Variants in DNAH6 observed in about 807,000 individuals in gnomAD.
The protein encoded by DNAH6 is axonemal beta dynein heavy chain 6.
In DNAH6, 340 loss-of-function variants were observed where a neutral mutation model predicts 491.4. That is an observed-to-expected ratio of 0.69 (90% CI 0.63 to 0.76). DNAH6 has a LOEUF of 0.76. Among genes scored for constraint, DNAH6 ranks in the 30% least tolerant of loss-of-function variants. The pLI, the probability that DNAH6 is intolerant of heterozygous loss-of-function variation, is 0.00. For missense variants in DNAH6, 4,443 were observed against 4,972.2 expected, an observed-to-expected ratio of 0.89 and a Z score of 3.20; for synonymous variants, 1,603 against 1,686.1, an observed-to-expected ratio of 0.95 and a Z score of 1.21.
At chr2:84,531,727 A>G (rs1677190323) in intron 4 of DNAH6, among the ~76,000 whole-genome samples, 1 of 119,542 alleles carries the variant, frequency 8.4e-6, no homozygotes, top group South Asian at 3.4e-4. Context: ...AAGAGATGGT[A>G]GACGAAGGAG....
chr2:84,662,066 A>T (rs576086284), intron 37 of DNAH6, among the ~76,000 whole-genome samples: 2 of 152,194 alleles, frequency 1.3e-5, no homozygotes, highest in South Asian at 4.1e-4. Context: ...TCTAAAATGG[A>T]CTCTTAAAAT....
intron 33 of DNAH6, among the ~76,000 whole-genome samples, chr2:84,642,797 C>T (rs915492431): frequency 2.0e-5 from 3 of 152,042 alleles, no homozygotes; most frequent in Admixed American, 6.6e-5. Context: ...TGCTGTCATT[C>T]ATTTTACTTA....
intron 21 of DNAH6, among the ~76,000 whole-genome samples, chr2:84,607,696 G>A (rs1379565428): frequency 2.0e-5 from 3 of 152,136 alleles, no homozygotes; most frequent in African/African-American, 7.2e-5. Context: ...CATTAAGTGT[G>A]CAATACTATA....
intron 37 of DNAH6, among the ~76,000 whole-genome samples, chr2:84,663,095 T>C (rs892905093): frequency 3.9e-5 from 6 of 152,034 alleles, no homozygotes; most frequent in Non-Finnish European, 8.8e-5. Context: ...TACGACACCA[T>C]CATCAAAGAC....
In DNAH6 at chr2:84,713,095, C is replaced by T; in HGVS notation, c.9379C>T (p.Leu3127Phe). 1 of 1,549,054 alleles carries T rather than the reference C, an allele frequency of 6.5e-7. No homozygotes were observed. Among genetic ancestry groups the T allele is most frequent in the Non-Finnish European group, 8.7e-7 (1 of 1,146,084 alleles). The change falls in exon 57 of 77, where the codon CTT becomes TTT. Residue 3127 changes from leucine (L) to phenylalanine (F), a missense_variant and splice_region_variant. This residue lies in a region of DNAH6 where 1,463 missense variants were observed against 1,656.6 expected (regional missense o/e 0.88). Coordinates refer to ENST00000389394, the MANE Select transcript of DNAH6 (RefSeq NM_001370.2). ...GTCCTGTTTTGTTTTAATTTCTAAG[C>T]TTAAGGAAACCTTGGATCCAGCTCT... ...RLGLPVLLEE[L>F]KETLDPALEP...
At chr2:84,695,988 A>G (rs1468790437) in intron 46 of DNAH6, among the ~76,000 whole-genome samples, 1 of 152,022 alleles carries the variant, frequency 6.6e-6, no homozygotes. Context: ...ATAAAAATGC[A>G]TGTGTCTATA....
At chr2:84,637,474 C>T in intron 31 of DNAH6, 97 bp downstream of exon 31, 1 of 1,270,920 alleles carries the variant, frequency 7.9e-7, no homozygotes, top group Non-Finnish European at 1.1e-6. Context: ...ATGAATGCCC[C>T]TATTAATGGT....
intron 56 of DNAH6, among the ~76,000 whole-genome samples, chr2:84,712,451 T>C (rs1310965447): frequency 2.0e-5 from 3 of 152,208 alleles, no homozygotes; most frequent in African/African-American, 7.2e-5. Context: ...CCCACGTTCC[T>C]ACCAACAGTC....
At position 84,658,482 on chromosome 2, in the gene DNAH6, G is replaced by A. The variant is rs764113711; in HGVS notation, c.5940+8G>A. ...GGAGTTAACTTGGCAATGGTATGAA[G>A]AGTTTTCTTATTGCTATGAAGCTAG... is the stretch of plus-strand genomic sequence containing the variant. On this transcript the variant is annotated splice_region_variant and intron_variant, in intron 36 of 76. Coordinates refer to ENST00000389394, the MANE Select transcript of DNAH6 (RefSeq NM_001370.2). 6 of 1,459,174 alleles carry A rather than the reference G, an allele frequency of 4.1e-6. No individual in the cohort carries two copies. In the South Asian group the frequency reaches 8.7e-5, roughly 21 times the overall value. The allele number at this position is 1,459,174 out of a possible 1,614,324, so 90.4% of individuals were successfully genotyped here. A position where few individuals can be genotyped will look rare whatever the true frequency, so the allele number is the denominator to read the frequency against.
At chr2:84,553,382 TTTC>T (rs1679648771) in intron 10 of DNAH6, among the ~76,000 whole-genome samples, 7 of 113,572 alleles carry the variant, frequency 6.2e-5, no homozygotes, top group African/African-American at 2.6e-4. Context: ...TCTTTCTTTC[TTTC>T]TTTCTTTCTT....
intron 37 of DNAH6, among the ~76,000 whole-genome samples, chr2:84,665,005 A>G (rs1217511135): frequency 2.0e-5 from 3 of 152,332 alleles, no homozygotes; most frequent in African/African-American, 7.2e-5. Context: ...ACTACTGGGT[A>G]CATAATGAAA....
At chr2:84,790,184 A>T (rs556406413) in intron 68 of DNAH6, among the ~76,000 whole-genome samples, 1 of 152,260 alleles carries the variant, frequency 6.6e-6, no homozygotes, top group East Asian at 1.9e-4. Context: ...TTTTCAACAC[A>T]TGATGCTGGG....
At chr2:84,672,246 C>A in intron 39 of DNAH6, 81 bp from the exon 40 acceptor site, 1 of 1,403,812 alleles carries the variant, frequency 7.1e-7, no homozygotes, top group South Asian at 1.4e-5. Flanking sequence ...GTCATTGAGT[C>A]CAAAGTCATA....
the DNAH6 span, among the ~76,000 whole-genome samples, chr2:84,492,685 TG>T: frequency 2.6e-5 from 4 of 152,296 alleles, no homozygotes; most frequent in South Asian, 8.3e-4. Context: ...CTTACATCTA[TG>T]GGAATAATCT....
At chr2:84,815,804 C>A (rs571847370) in intron 75 of DNAH6, 57 bp from the exon 76 acceptor site, 1 of 1,299,076 alleles carries the variant, frequency 7.7e-7, no homozygotes, top group African/African-American at 1.5e-5. Flanking sequence ...GGAAGTGGCT[C>A]ACACCTGCTG....
intron 63 of DNAH6, among the ~76,000 whole-genome samples, chr2:84,761,317 GA>G (rs1281431034): frequency 7.2e-5 from 11 of 151,938 alleles, no homozygotes; most frequent in Non-Finnish European, 1.5e-4. Context: ...TGGAGACTCA[GA>G]GGGGTGAGAA....
Position 84,521,255 on chromosome 2 carries a change from C to T in DNAH6, c.225+3204C>T, listed in dbSNP as rs769752057. 7.9e-5 allele frequency among the ~76,000 whole-genome samples: 12 copies of T among 151,450 alleles called. No individual in the cohort carries two copies. The Middle Eastern group carries it at 0.01, about 130-fold the overall frequency. On this transcript the variant is annotated intron_variant, in intron 2 of 76. Coordinates refer to ENST00000389394, the MANE Select transcript of DNAH6 (RefSeq NM_001370.2). The stretch of plus-strand genomic sequence containing the variant: ...TTGAGCTTTTTTTCATATGCTTGTT[C>T]GCTATGTCTATGTCTTTTTTTGAAA...
At chr2:84,612,227 C>G (rs1686413834) in intron 22 of DNAH6, among the ~76,000 whole-genome samples, 1 of 152,036 alleles carries the variant, frequency 6.6e-6, no homozygotes, top group Non-Finnish European at 1.5e-5. Flanking sequence ...AGTTAAAGCT[C>G]CTCCACAGAT....
chr2:84,676,463 AG>A (rs1201273603), intron 40 of DNAH6, among the ~76,000 whole-genome samples: 1 of 152,240 alleles, frequency 6.6e-6, no homozygotes, highest in Non-Finnish European at 1.5e-5. Flanking sequence ...CATGACTAAT[AG>A]TGCTGTGGTC....
Sources: gnomAD v4.1 joint callset for allele counts (sites outside exome capture counted in the v4.1 genomes callset) on GRCh38, gnomAD v4.1.1 for gene constraint, gnomAD v4.1.1 regional missense constraint, MANE v1.5 for transcripts, NCBI Gene and HGNC (gene_info 2026-07-23, HGNC 2026-07-21) for gene names.